The following PPP1R7 variants were observed in gnomAD, a reference collection of about 807,000 sequenced individuals.
PPP1R7 encodes protein phosphatase 1 regulatory subunit 7.
Under a neutral mutation model 45.2 loss-of-function variants are expected in PPP1R7, and 18 were observed. That is an observed-to-expected ratio of 0.40 (90% CI 0.28 to 0.59). The LOEUF is 0.59. PPP1R7 is among the 20% of genes least tolerant of loss of function. PPP1R7 has a pLI of 0.46. For missense variants in PPP1R7, 314 were observed against 455.8 expected, an observed-to-expected ratio of 0.69 and a Z score of 2.83; for synonymous variants, 181 against 183.4, an observed-to-expected ratio of 0.99 and a Z score of 0.11.
intron 7 of PPP1R7, among the ~76,000 whole-genome samples, chr2:241,165,141 A>G (rs2067677447): frequency 6.6e-6 from 1 of 152,248 alleles, no homozygotes; most frequent in South Asian, 2.1e-4. Context: ...AACCTTCACC[A>G]AATGTATCTT....
intron 9 of PPP1R7, among the ~76,000 whole-genome samples, chr2:241,177,462 C>G (rs2067927429): frequency 6.6e-6 from 1 of 151,550 alleles, no homozygotes; most frequent in Non-Finnish European, 1.5e-5. Flanking sequence ...ATTTAAAAAT[C>G]AGTGAAAAAA....
Position 241,158,556 on chromosome 2 carries a change from G to C in PPP1R7, c.303+7G>C. On this transcript the variant is annotated splice_region_variant and intron_variant, in intron 4 of 9. Transcript: ENST00000234038. Reference sequence around the variant, plus strand: ...GGTACTGAAGAAAGTGAAGGTGAGAGGGACTCTTATGAGGGGACTATGACG... The same window carrying C: ...GGTACTGAAGAAAGTGAAGGTGAGACGGACTCTTATGAGGGGACTATGACG... The C allele has an allele frequency of 1.2e-6, 2 of 1,611,356 alleles. No individual in the cohort carries two copies. The highest frequency in any genetic ancestry group is 1.1e-5 in the South Asian group (1 of 91,030).
chr2:241,183,533 T>C lies in PPP1R7; in HGVS notation c.*710T>C, dbSNP rs2068046047. The stretch of plus-strand genomic sequence containing the variant: ...TGCTGCTGCCAGAATACGAGTCCCA[T>C]TGAGCCTCTCCAAAGACGGCCTCCA... On this transcript the variant is annotated 3_prime_UTR_variant, in exon 10 of 10. Coordinates refer to ENST00000234038, the MANE Select transcript of PPP1R7 (RefSeq NM_002712.3). 3 of 453,092 alleles carry C rather than the reference T, an allele frequency of 6.6e-6. No homozygotes were observed. Among genetic ancestry groups the C allele is most frequent in the Non-Finnish European group, 4.6e-6 (1 of 218,306 alleles). The allele number at this position is 453,092 out of a possible 1,614,324, so 28.1% of individuals were successfully genotyped here. A position where few individuals can be genotyped will look rare whatever the true frequency, so the allele number is the denominator to read the frequency against.
intron 6 of PPP1R7, among the ~76,000 whole-genome samples, chr2:241,162,683 CTTT>C (rs1232024996): frequency 7.4e-5 from 10 of 134,368 alleles, no homozygotes; most frequent in African/African-American, 1.7e-4. Flanking sequence ...CTTGGGAGGA[CTTT>C]TTTTTTTTTT....
At chr2:241,160,241 A>T in intron 5 of PPP1R7, 91 bp from the exon 6 acceptor site, 20 of 760,718 alleles carry the variant, frequency 2.6e-5, no homozygotes, top group East Asian at 7.8e-5. Context: ...CCGTCCCCTG[A>T]TGGGGACGCC....
At chr2:241,181,748 G>A (rs989273477) in intron 9 of PPP1R7, among the ~76,000 whole-genome samples, 5 of 152,184 alleles carry the variant, frequency 3.3e-5, no homozygotes, top group African/African-American at 4.8e-5. Flanking sequence ...ACCCTATAAC[G>A]AGTGCCCCTG....
At chr2:241,172,188 A>T (rs2067828817) in intron 9 of PPP1R7, among the ~76,000 whole-genome samples, 1 of 143,108 alleles carries the variant, frequency 7.0e-6, no homozygotes, top group Admixed American at 6.9e-5. Flanking sequence ...TAACTCTATT[A>T]TTGGCTTATT....
intron 4 of PPP1R7, chr2:241,159,011 T>A (rs6753081): frequency 0.48 from 285,800 of 589,680 alleles, 70,989 homozygotes; most frequent in East Asian, 0.68. Context: ...GTTCCCGCCC[T>A]TCCTCAGGTG....
At chr2:241,162,601 A>G (rs1245630285) in intron 6 of PPP1R7, among the ~76,000 whole-genome samples, 1 of 151,554 alleles carries the variant, frequency 6.6e-6, no homozygotes, top group South Asian at 2.1e-4. Context: ...AGGAATCCTA[A>G]GTGAGGGTCC....
intron 9 of PPP1R7, among the ~76,000 whole-genome samples, chr2:241,178,125 G>A (rs969865109): frequency 2.6e-5 from 4 of 152,218 alleles, no homozygotes; most frequent in African/African-American, 7.2e-5. Flanking sequence ...TGCAAGGAGC[G>A]GGGGGCACAG....
chr2:241,149,762 C>T (rs3806601), upstream of PPP1R7: 29,296 of 1,538,976 alleles, frequency 0.019, 2,448 homozygotes, highest in East Asian at 0.23. Flanking sequence ...GCGGAGGACG[C>T]GGGGCGGCTC....
chr2:241,160,524 T>G (rs773855096), intron 6 of PPP1R7, 30 bp downstream of exon 6: 19 of 1,538,816 alleles, frequency 1.2e-5, no homozygotes, highest in Non-Finnish European at 1.6e-5. Flanking sequence ...ACTAGTATAT[T>G]CAGGGAGAGG....
chr2:241,180,388 TAAAA>T (rs58267372), intron 9 of PPP1R7, among the ~76,000 whole-genome samples: 37,280 of 99,668 alleles, frequency 0.37, 6,024 homozygotes, highest in East Asian at 0.57. Flanking sequence ...GCTGGTGAGC[TAAAA>T]AAAAAAAAAA....
chr2:241,169,679 G>A (rs2067780616), intron 8 of PPP1R7, 102 bp from the exon 9 acceptor site: 1 of 930,196 alleles, frequency 1.1e-6, no homozygotes, highest in Admixed American at 1.9e-5. Flanking sequence ...AGAGGGCAGT[G>A]CACCTGCAGC....
chr2:241,176,460 CTT>C (rs71404687), intron 9 of PPP1R7, among the ~76,000 whole-genome samples: 21 of 142,888 alleles, frequency 1.5e-4, no homozygotes, highest in Admixed American at 1.4e-4. Flanking sequence ...TTTTTTCTTT[CTT>C]TTTTTTTTTT....
chr2:241,158,065 G>T (rs2067500048), intron 3 of PPP1R7, among the ~76,000 whole-genome samples: 1 of 152,148 alleles, frequency 6.6e-6, no homozygotes, highest in Non-Finnish European at 1.5e-5. Flanking sequence ...TGGCAGATGA[G>T]ATGCCTTTGA....
chr2:241,150,416 A>C, upstream of PPP1R7: 2 of 1,191,078 alleles, frequency 1.7e-6, no homozygotes, highest in Non-Finnish European at 2.1e-6. Context: ...TCCCATTGGC[A>C]GGGCCGGCTC....
chr2:241,162,071 T>G (rs920887791), intron 6 of PPP1R7, among the ~76,000 whole-genome samples: 1 of 152,134 alleles, frequency 6.6e-6, no homozygotes, highest in African/African-American at 2.4e-5. Flanking sequence ...CTCTTGACAG[T>G]TATTGTTAGA....
chr2:241,157,979 G>A (rs1281967142), intron 3 of PPP1R7, 117 bp downstream of exon 3: 112 of 990,306 alleles, frequency 1.1e-4, no homozygotes, highest in Non-Finnish European at 1.3e-4. Context: ...TCCCTTGGTT[G>A]AGTCAGAGTC....
Sources: allele counts gnomAD v4.1 joint callset (sites outside exome capture counted in the v4.1 genomes callset), GRCh38; gene constraint gnomAD v4.1.1; transcripts MANE v1.5; gene names NCBI Gene and HGNC (gene_info 2026-07-23, HGNC 2026-07-21).